The following PPP2R5A variants were observed in gnomAD, a reference collection of about 807,000 sequenced individuals.
PPP2R5A encodes the protein protein phosphatase 2 regulatory subunit B'alpha.
Under a neutral mutation model 64.2 loss-of-function variants are expected in PPP2R5A, and 25 were observed. That is an observed-to-expected ratio of 0.39 (90% CI 0.28 to 0.54). PPP2R5A has a LOEUF of 0.54. PPP2R5A is among the 20% of genes least tolerant of loss of function. PPP2R5A has a pLI of 0.67. For missense variants in PPP2R5A, 425 were observed against 576.3 expected (o/e 0.74, Z 2.69); for synonymous variants, 198 against 201.2 (o/e 0.98, Z 0.13).
chr1:212,319,282 T>C (rs1482148686), intron 1 of PPP2R5A: 1 of 152,230 alleles, frequency 6.6e-6, no homozygotes, highest in Non-Finnish European at 1.5e-5. Flanking sequence ...TAAGGTGTTG[T>C]GAATTTTTCC....
chr1:212,342,272 G>A lies in PPP2R5A; in HGVS notation c.565G>A (p.Val189Ile), dbSNP rs147962315. ...AAAACGATACATTGATCAGAAATTC[G>A]TACAACAGGTAAGGAACTCTTTTGT... Reference protein sequence around the residue: ...IAKRYIDQKFVQQLLELFDSE... With the variant: ...IAKRYIDQKFIQQLLELFDSE... Residue 189 changes from valine (V) to isoleucine (I), a missense_variant, in exon 4 of 13, where the codon GTA becomes ATA. Physicochemically the swap from Val to Ile is conservative, Grantham distance 29. Transcript: ENST00000261461. 31 of 1,612,240 alleles carry A rather than the reference G, an allele frequency of 1.9e-5. No individual in the cohort carries two copies. The African/African-American group carries it at 2.7e-4, about 14-fold the overall frequency.
intron 1 of PPP2R5A, among the ~76,000 whole-genome samples, chr1:212,292,858 C>T (rs889540868): frequency 6.6e-6 from 1 of 152,216 alleles, no homozygotes; most frequent in Non-Finnish European, 1.5e-5. Context: ...ATCACTGCCT[C>T]ACCCAGTTTT....
intron 1 of PPP2R5A, among the ~76,000 whole-genome samples, chr1:212,290,091 A>T (rs2102409163): frequency 6.6e-6 from 1 of 152,310 alleles, no homozygotes; most frequent in Admixed American, 6.5e-5. Flanking sequence ...CCTTCAGAAG[A>T]GGTAAAACTT....
At chr1:212,290,996 C>T (rs549239428) in intron 1 of PPP2R5A, among the ~76,000 whole-genome samples, 11 of 152,276 alleles carry the variant, frequency 7.2e-5, no homozygotes, top group African/African-American at 2.6e-4. Flanking sequence ...TTTTGTGTTT[C>T]ATTTTTAAAA....
At chr1:212,306,358 A>AG (rs1553273872) in intron 1 of PPP2R5A, among the ~76,000 whole-genome samples, 35,201 of 151,172 alleles carry the variant, frequency 0.23, 4,216 homozygotes, top group Middle Eastern at 0.3. Context: ...AGAAGAATGG[A>AG]GGGGGGGTAA....
In PPP2R5A at chr1:212,292,782, C is replaced by G. The variant is rs530872077; in HGVS notation, c.181+6491C>G. ...TTCTCGCTATGTTGTCCTGGCTGGT[C>G]TTGAACTCCTGGCCTCATGTGATCC... On this transcript the variant is annotated intron_variant, in intron 1 of 12. Coordinates refer to ENST00000261461, the MANE Select transcript of PPP2R5A (RefSeq NM_006243.4). Among the ~76,000 whole-genome samples, 4 of 152,284 alleles carry G rather than the reference C, an allele frequency of 2.6e-5. No individual in the cohort carries two copies. The East Asian group carries it at 7.7e-4, about 29-fold the overall frequency.
chr1:212,328,918 C>T (rs1261045423), intron 1 of PPP2R5A, among the ~76,000 whole-genome samples: 2 of 145,974 alleles, frequency 1.4e-5, no homozygotes, highest in African/African-American at 4.9e-5. Flanking sequence ...GACCATATTT[C>T]TTTAAAAAAA....
chr1:212,308,364 G>A (rs994294729), intron 1 of PPP2R5A, among the ~76,000 whole-genome samples: 1 of 142,714 alleles, frequency 7.0e-6, no homozygotes, highest in Non-Finnish European at 1.5e-5. Context: ...CCTTCTTGGA[G>A]TTTCTTGTGT....
At chr1:212,346,039 T>C in intron 5 of PPP2R5A, 106 bp downstream of exon 5, 1 of 1,149,136 alleles carries the variant, frequency 8.7e-7, no homozygotes, top group Non-Finnish European at 1.2e-6. Flanking sequence ...TCTCACTCTG[T>C]CATCCAGGCT....
chr1:212,323,565 C>T (rs1659351295), intron 1 of PPP2R5A, among the ~76,000 whole-genome samples: 1 of 152,190 alleles, frequency 6.6e-6, no homozygotes, highest in Admixed American at 6.5e-5. Context: ...CTTCTAAATA[C>T]TTCTAATGTT....
intron 1 of PPP2R5A, among the ~76,000 whole-genome samples, chr1:212,308,573 T>A (rs927254267): frequency 6.6e-6 from 1 of 152,064 alleles, no homozygotes; most frequent in Non-Finnish European, 1.5e-5. Context: ...CATGCCCGGC[T>A]AATTTTTGTA....
At position 212,357,082 on chromosome 1, in the gene PPP2R5A, C is replaced by T; in HGVS notation, c.1098+13C>T. The T allele has an allele frequency of 6.3e-7, 1 of 1,597,236 alleles. No individual in the cohort carries two copies. The highest frequency in any genetic ancestry group is 8.5e-7 in the Non-Finnish European group (1 of 1,174,946). On this transcript the variant is annotated intron_variant, in intron 10 of 12. Transcript: ENST00000261461. ...TTCTCATTTTCAGGTATGATGTTTTCAGTGAAGCCTTTACTTTACACTAGT... is the reference window on the plus strand; with the variant it reads ...TTCTCATTTTCAGGTATGATGTTTTTAGTGAAGCCTTTACTTTACACTAGT...
At chr1:212,322,265 G>GGAGGGATAGGGAGAGGGAGAGGAGGGA (rs1659319207) in intron 1 of PPP2R5A, among the ~76,000 whole-genome samples, 1 of 85,280 alleles carries the variant, frequency 1.2e-5, no homozygotes, top group Admixed American at 1.3e-4. Flanking sequence ...GAGAGGGAGA[G>GGAGGGATAGGGAGAGGGAGAGGAGGGA]GAGGGAGAGG....
chr1:212,294,461 CAA>C (rs1658656788), intron 1 of PPP2R5A, among the ~76,000 whole-genome samples: 3 of 152,066 alleles, frequency 2.0e-5, no homozygotes, highest in Admixed American at 6.5e-5. Flanking sequence ...TTAAAACAAA[CAA>C]AAACAACAAC....
At chr1:212,313,636 G>T (rs1334628554) in intron 1 of PPP2R5A, 1 of 151,080 alleles carries the variant, frequency 6.6e-6, no homozygotes, top group African/African-American at 2.4e-5. Context: ...CATATGAGTA[G>T]CTGGAATAAT....
intron 1 of PPP2R5A, among the ~76,000 whole-genome samples, chr1:212,317,311 T>C (rs1042965863): frequency 6.8e-6 from 1 of 147,398 alleles, no homozygotes; most frequent in Admixed American, 6.8e-5. Context: ...TTAACTGATA[T>C]GTACTGTGAA....
chr1:212,351,494 A>G (rs1659877980), intron 8 of PPP2R5A, among the ~76,000 whole-genome samples: 1 of 152,142 alleles, frequency 6.6e-6, no homozygotes, highest in African/African-American at 2.4e-5. Context: ...CAGGCAGATC[A>G]CCTGAGATCA....
chr1:212,291,118 TA>T (rs200879345), intron 1 of PPP2R5A, among the ~76,000 whole-genome samples: 30 of 151,562 alleles, frequency 2.0e-4, no homozygotes, highest in Admixed American at 3.9e-4. Context: ...TATTTTATTT[TA>T]TTTTTTTTCA....
In PPP2R5A at chr1:212,345,774, A is replaced by C. The variant is rs568093323; in HGVS notation, c.574-29A>C. On this transcript the variant is annotated intron_variant, in intron 4 of 12. Coordinates refer to ENST00000261461, the MANE Select transcript of PPP2R5A (RefSeq NM_006243.4). ...TAAAGCTTTAGCTCGATTATTTTTTAAAAGTAATTTCTCAGGTTTCTTTTA... is the reference window on the plus strand; with the variant it reads ...TAAAGCTTTAGCTCGATTATTTTTTCAAAGTAATTTCTCAGGTTTCTTTTA... The C allele has an allele frequency of 5.2e-5, 82 of 1,571,740 alleles. 1 individual carries two copies. In the South Asian group the frequency reaches 9.6e-4, roughly 18 times the overall value.
Sources: allele counts gnomAD v4.1 joint callset (sites outside exome capture counted in the v4.1 genomes callset), GRCh38; gene constraint gnomAD v4.1.1; transcripts MANE v1.5; gene names NCBI Gene and HGNC (gene_info 2026-07-23, HGNC 2026-07-21).